RALGPS1: variants seen among roughly 807,000 people sequenced by gnomAD.
The protein encoded by RALGPS1 is Ral GEF with PH domain and SH3 binding motif 1, also known as ras-specific guanine nucleotide-releasing factor RalGPS1.
Under a neutral mutation model 78.8 loss-of-function variants are expected in RALGPS1, and 19 were observed. The observed-to-expected ratio is 0.24, with a 90% CI of 0.17 to 0.35. The LOEUF (loss-of-function observed/expected upper bound fraction) is 0.35. RALGPS1 is among the 10% of genes least tolerant of loss of function. The pLI is 1.00. For synonymous variants in RALGPS1, 228 were observed against 256.3 expected, an observed-to-expected ratio of 0.89 and a Z score of 1.06; for missense variants, 454 against 688.3, an observed-to-expected ratio of 0.66 and a Z score of 3.81.
intron 4 of RALGPS1, among the ~76,000 whole-genome samples, chr9:127,021,612 G>C (rs556759395): frequency 2.7e-4 from 38 of 142,668 alleles, no homozygotes; most frequent in Non-Finnish European, 2.7e-4. Context: ...AAAAAGAAAA[G>C]TTTTTCTTCT....
rs567728030 is a variant in RALGPS1, at chr9:127,127,220, A to G, written c.611-38849A>G. ...ACAGTAGACTGCTGCTTTCTGTTTC[A>G]GATTCATTCTTCTGTGTGTCACCGT... On this transcript the variant is annotated intron_variant, in intron 8 of 18. Transcript: ENST00000259351. Among the ~76,000 whole-genome samples, 218 of 152,274 alleles carry G rather than the reference A, an allele frequency of 1.4e-3. 2 individuals carry two copies. The highest frequency in any genetic ancestry group is 1.4e-3 in the Non-Finnish European group (93 of 68,014).
In RALGPS1 at chr9:127,183,908, G is replaced by A; in HGVS notation, c.910+9126G>A. 1.3e-6 allele frequency: 2 copies of A among 1,550,212 alleles called. No homozygotes were observed. The highest frequency in any genetic ancestry group is 2.4e-5 in the East Asian group (1 of 40,848). On this transcript the variant is annotated intron_variant, in intron 11 of 18. Coordinates refer to ENST00000259351, the MANE Select transcript of RALGPS1 (RefSeq NM_014636.3). This position sits in a 1 kb window ranked among gnomAD's most constrained non-coding sequence, Gnocchi z 4.0. The stretch of plus-strand genomic sequence containing the variant: ...CCTGTCACATCAAGGTCAAGCAGAA[G>A]AGGCAAGACTCAAACCCACCTCTGG...
intron 8 of RALGPS1, among the ~76,000 whole-genome samples, chr9:127,081,220 C>G (rs1209036275): frequency 4.4e-5 from 6 of 135,188 alleles, no homozygotes; most frequent in Non-Finnish European, 1.0e-4. Context: ...ATGATAGGCA[C>G]AAAATGGCAT....
chr9:126,956,043 C>T (rs1023042290), intron 1 of RALGPS1, among the ~76,000 whole-genome samples: 2 of 152,218 alleles, frequency 1.3e-5, no homozygotes, highest in African/African-American at 2.4e-5. Flanking sequence ...TGCTTTCATC[C>T]CTCTGACCAG....
At position 127,212,241 on chromosome 9, in the gene RALGPS1, G is replaced by C; in HGVS notation, c.1353+5G>C. The C allele has an allele frequency of 6.2e-7, 1 of 1,604,352 alleles. No individual in the cohort carries two copies. Among genetic ancestry groups the C allele is most frequent in the Non-Finnish European group, 8.5e-7 (1 of 1,173,704 alleles). Reference sequence around the variant, plus strand: ...AAGGAAGGGCGGAAGCCTGCGGTAAGTACAGACCCACATCCACCGGGGCAG... The same window carrying C: ...AAGGAAGGGCGGAAGCCTGCGGTAACTACAGACCCACATCCACCGGGGCAG... On this transcript the variant is annotated splice_donor_5th_base_variant and intron_variant, in intron 15 of 18. Coordinates refer to ENST00000259351, the MANE Select transcript of RALGPS1 (RefSeq NM_014636.3). The surrounding 1 kb of genome is among the most constrained non-coding windows in gnomAD (Gnocchi z 6.0).
At chr9:127,045,013 TAAAC>T (rs996861999) in intron 5 of RALGPS1, among the ~76,000 whole-genome samples, 11 of 152,224 alleles carry the variant, frequency 7.2e-5, no homozygotes, top group African/African-American at 2.4e-4. Flanking sequence ...ATAGAGATGA[TAAAC>T]AAATCAGTGT....
chr9:126,923,431 A>G (rs2034963463), intron 1 of RALGPS1, among the ~76,000 whole-genome samples: 1 of 152,176 alleles, frequency 6.6e-6, no homozygotes, highest in Non-Finnish European at 1.5e-5. Flanking sequence ...CGCAGGTGAG[A>G]TAAGGTGACA....
chr9:127,070,546 G>A (rs1297022888), intron 8 of RALGPS1, among the ~76,000 whole-genome samples: 1 of 152,114 alleles, frequency 6.6e-6, no homozygotes, highest in Non-Finnish European at 1.5e-5. Flanking sequence ...GGATGAAATT[G>A]CCTGTTTCTC....
intron 4 of RALGPS1, among the ~76,000 whole-genome samples, chr9:126,984,044 A>G (rs1423420442): frequency 6.6e-6 from 1 of 152,076 alleles, no homozygotes; most frequent in Middle Eastern, 3.2e-3. Context: ...TCATCTGTCA[A>G]TGATCTTTGC....
At chr9:126,952,694 T>C (rs535806683) in intron 1 of RALGPS1, among the ~76,000 whole-genome samples, 18 of 138,204 alleles carry the variant, frequency 1.3e-4, no homozygotes, top group Admixed American at 2.9e-4. Context: ...TGTGTCTGTG[T>C]GTCTGTGCGC....
At chr9:126,964,641 G>A (rs2039277275) in intron 2 of RALGPS1, among the ~76,000 whole-genome samples, 1 of 102,464 alleles carries the variant, frequency 9.8e-6, no homozygotes, top group South Asian at 5.1e-4. Context: ...TAACCACTAT[G>A]GTATACTGCT....
chr9:127,193,431 AG>A (rs2061185423), intron 11 of RALGPS1, among the ~76,000 whole-genome samples: 1 of 152,002 alleles, frequency 6.6e-6, no homozygotes, highest in African/African-American at 2.4e-5. Flanking sequence ...ATGAAGGAGA[AG>A]GTGCCTGTGC....
At chr9:127,107,974 G>C (rs754227811) in intron 8 of RALGPS1, 1 of 1,574,910 alleles carries the variant, frequency 6.3e-7, no homozygotes, top group Admixed American at 1.7e-5. Flanking sequence ...GGGCAGAGGG[G>C]GTGGCAGCAC....
intron 1 of RALGPS1, among the ~76,000 whole-genome samples, chr9:126,957,618 T>G (rs1308372775): frequency 1.3e-5 from 2 of 152,226 alleles, no homozygotes; most frequent in Admixed American, 1.3e-4. Context: ...ACAGACAGGC[T>G]GAGTTGGTCA....
intron 8 of RALGPS1, among the ~76,000 whole-genome samples, chr9:127,163,115 C>G (rs531932854): frequency 5.6e-4 from 86 of 152,280 alleles, no homozygotes; most frequent in Non-Finnish European, 1.0e-3. Context: ...TGAGCTTTCA[C>G]TCTGCCACTC....
intron 8 of RALGPS1, among the ~76,000 whole-genome samples, chr9:127,165,516 T>C (rs1435452936): frequency 6.6e-6 from 1 of 152,282 alleles, no homozygotes; most frequent in Non-Finnish European, 1.5e-5. Context: ...TATTTTCTTA[T>C]TAAGCACGAT....
In RALGPS1 at chr9:127,162,840, G is replaced by T. The variant is rs1023457117; in HGVS notation, c.611-3229G>T. Among the ~76,000 whole-genome samples, 3 of 152,194 alleles carry T rather than the reference G, an allele frequency of 2.0e-5. No homozygotes were observed. In the East Asian group the frequency reaches 5.8e-4, roughly 29 times the overall value. Reference sequence around the variant, plus strand: ...TGTTGAGGGTGTTACTTGAGAAAAGGCAACTCCCTCTGTGTTTCTGATGAC... The same window carrying T: ...TGTTGAGGGTGTTACTTGAGAAAAGTCAACTCCCTCTGTGTTTCTGATGAC... On this transcript the variant is annotated intron_variant, in intron 8 of 18. Transcript: ENST00000259351.
chr9:127,159,455 C>G (rs1225686224), intron 8 of RALGPS1, among the ~76,000 whole-genome samples: 1 of 152,304 alleles, frequency 6.6e-6, no homozygotes, highest in East Asian at 1.9e-4. Flanking sequence ...ATGTGCTCAT[C>G]CAGAAAGCGT....
At chr9:127,053,260 CAGGCTCCA>C (rs2048446047) in intron 7 of RALGPS1, among the ~76,000 whole-genome samples, 1 of 152,132 alleles carries the variant, frequency 6.6e-6, no homozygotes, top group South Asian at 2.1e-4. Flanking sequence ...TTTTCTCTGG[CAGGCTCCA>C]AACTGTCCTT....
Sources: gnomAD v4.1 joint callset for allele counts (sites outside exome capture counted in the v4.1 genomes callset) on GRCh38, gnomAD v4.1.1 for gene constraint, Gnocchi (gnomAD v3.1) non-coding constraint, MANE v1.5 for transcripts, NCBI Gene and HGNC (gene_info 2026-07-23, HGNC 2026-07-21) for gene names.